The following SLC17A5 variants were observed in gnomAD, a reference collection of about 807,000 sequenced individuals.
SLC17A5 encodes the protein sialin.
A neutral mutation model predicts 59.4 loss-of-function variants in SLC17A5; 47 were observed. That is an observed-to-expected ratio of 0.79 (90% CI 0.63 to 1.01). The LOEUF (loss-of-function observed/expected upper bound fraction) is 1.01, where lower values mean the gene tolerates loss of function less well. SLC17A5 is among the 50% of genes least tolerant of loss of function. SLC17A5 has a pLI of 0.00. For missense variants in SLC17A5, 522 were observed against 595.5 expected (o/e 0.88, Z 1.28); for synonymous variants, 202 against 210.7 (o/e 0.96, Z 0.36).
At chr6:73,603,188 G>A (rs1462564414) in intron 9 of SLC17A5, among the ~76,000 whole-genome samples, 1 of 151,738 alleles carries the variant, frequency 6.6e-6, no homozygotes, top group Non-Finnish European at 1.5e-5. Flanking sequence ...CTGGAGTACA[G>A]TGGCGCGATC....
intron 9 of SLC17A5, among the ~76,000 whole-genome samples, chr6:73,601,859 T>A (rs1312859061): frequency 3.3e-5 from 5 of 149,496 alleles, no homozygotes; most frequent in Non-Finnish European, 5.9e-5. Flanking sequence ...GTCCGGGAGG[T>A]GAGGGGCGCC....
intron 8 of SLC17A5, among the ~76,000 whole-genome samples, chr6:73,611,487 C>T (rs1001885692): frequency 2.0e-5 from 3 of 152,080 alleles, no homozygotes; most frequent in Non-Finnish European, 4.4e-5. Context: ...GCCATGTTGG[C>T]CAGGCCGTTC....
In SLC17A5 at chr6:73,644,530, T is replaced by C. The variant is rs1412016403; in HGVS notation, c.168A>G (p.Leu56=). The change falls in exon 2 of 11, where the codon TTA becomes TTG. Residue 56 remains leucine, a synonymous_variant. Transcript: ENST00000355773. ...AFFGFFIVYA[L]RVNLSVALVD... ...CTAACGCAACACTCAGATTCACACG[T>C]AATGCATACACAATGAAGAAACCAA... The C allele has an allele frequency of 6.2e-7, 1 of 1,614,104 alleles. No homozygotes were observed. Among genetic ancestry groups the C allele is most frequent in the Admixed American group, 1.7e-5 (1 of 60,006 alleles).
intron 9 of SLC17A5, among the ~76,000 whole-genome samples, chr6:73,606,304 A>G (rs1415375163): frequency 6.6e-6 from 1 of 152,052 alleles, no homozygotes; most frequent in East Asian, 1.9e-4. Flanking sequence ...CAGCCTCCCA[A>G]AGTGCTGGGA....
intron 8 of SLC17A5, among the ~76,000 whole-genome samples, chr6:73,613,695 T>C (rs1767729840): frequency 6.6e-6 from 1 of 152,212 alleles, no homozygotes; most frequent in South Asian, 2.1e-4. Context: ...AAATGTATGA[T>C]TCAAAAAGAA....
intron 6 of SLC17A5, among the ~76,000 whole-genome samples, chr6:73,630,688 T>C (rs1241565102): frequency 1.3e-5 from 2 of 152,090 alleles, no homozygotes; most frequent in East Asian, 1.9e-4. Context: ...ACAGCCACAT[T>C]TCCTAGAAGG....
chr6:73,624,265 G>A (rs1472542490), intron 6 of SLC17A5, among the ~76,000 whole-genome samples: 4 of 151,966 alleles, frequency 2.6e-5, no homozygotes, highest in African/African-American at 9.7e-5. Flanking sequence ...TTAGCCGGGT[G>A]TGGTGGTGCG....
At position 73,621,802 on chromosome 6, in the gene SLC17A5, A is replaced by G; in HGVS notation, c.978+2T>C. 1 of 1,601,602 alleles carries G rather than the reference A, an allele frequency of 6.2e-7. No homozygotes were observed. The highest frequency in any genetic ancestry group is 8.6e-7 in the Non-Finnish European group (1 of 1,169,052). On this transcript the variant is annotated splice_donor_variant, in intron 7 of 10. Transcript: ENST00000355773. LOFTEE classifies it high-confidence loss of function. Reference sequence around the variant, plus strand: ...AAGAAGCAGATGATTATTTTTTCTTACCTCTTGAACATTGAACCTTAGGAT... The same window carrying G: ...AAGAAGCAGATGATTATTTTTTCTTGCCTCTTGAACATTGAACCTTAGGAT...
intron 5 of SLC17A5, 75 bp from the exon 6 acceptor site, chr6:73,635,575 A>T (rs946371722): frequency 3.3e-5 from 25 of 753,308 alleles, no homozygotes; most frequent in Middle Eastern, 3.7e-4. Flanking sequence ...AAAAACACAA[A>T]ATTAGAAAGC....
intron 6 of SLC17A5, among the ~76,000 whole-genome samples, chr6:73,633,570 A>G (rs1436526241): frequency 6.6e-6 from 1 of 151,842 alleles, no homozygotes; most frequent in African/African-American, 2.4e-5. Context: ...GTTATATTGT[A>G]TATAAATATT....
chr6:73,606,152 C>T (rs1445827865), intron 9 of SLC17A5, among the ~76,000 whole-genome samples: 2 of 152,038 alleles, frequency 1.3e-5, no homozygotes, highest in East Asian at 1.9e-4. Context: ...AAGCAATTCT[C>T]ATGCCTCAGC....
At chr6:73,642,845 C>T (rs1033030415) in intron 2 of SLC17A5, among the ~76,000 whole-genome samples, 7 of 152,186 alleles carry the variant, frequency 4.6e-5, no homozygotes, top group Non-Finnish European at 8.8e-5. Context: ...CAAACTCTTA[C>T]TTTTCCTTAT....
At chr6:73,639,196 T>C (rs963257615) in intron 3 of SLC17A5, among the ~76,000 whole-genome samples, 1 of 152,124 alleles carries the variant, frequency 6.6e-6, no homozygotes, top group African/African-American at 2.4e-5. Context: ...AACAGGGAGT[T>C]TCATAGAGAC....
At chr6:73,651,563 A>G (rs1392843744) in intron 1 of SLC17A5, among the ~76,000 whole-genome samples, 1 of 150,584 alleles carries the variant, frequency 6.6e-6, no homozygotes, top group African/African-American at 2.4e-5. Flanking sequence ...ATTTTTTGAG[A>G]CGAAGTCTTG....
At position 73,595,200 on chromosome 6, in the gene SLC17A5, T is replaced by C. The variant is rs192599733; in HGVS notation, c.1365A>G (p.Glu455=). ...CAGCAATATAGAACACGGTTTGCCA[T>C]TCTCCAACAGTGTTCTATAAAGGAA... ...KSLTPDNTVG[E]WQTVFYIAAA... The change falls in exon 11 of 11, where the codon GAA becomes GAG. Residue 455 remains glutamate, a synonymous_variant. Transcript: ENST00000355773. 121 of 1,614,126 alleles carry C rather than the reference T, an allele frequency of 7.5e-5. No homozygotes were observed. The highest frequency in any genetic ancestry group is 2.3e-4 in the African/African-American group (17 of 75,044).
chr6:73,615,323 C>G lies in SLC17A5; in HGVS notation c.1103G>C (p.Ser368Thr). The change falls in exon 8 of 11, where the codon AGC (serine) becomes ACC (threonine). Residue 368 changes from serine (S) to threonine (T), a missense_variant. By Grantham distance (58) the Ser-to-Thr change is moderately conservative. This residue lies in a region of SLC17A5 where 153 missense variants were observed against 168.5 expected (regional missense o/e 0.91). Coordinates refer to ENST00000355773, the MANE Select transcript of SLC17A5 (RefSeq NM_012434.5). ...CTGATTGCTTCACTTACCTATAAGGCTAAAAATTCTGCGAACACATAAAGT... is the reference window on the plus strand; with the variant it reads ...CTGATTGCTTCACTTACCTATAAGGGTAAAAATTCTGCGAACACATAAAGT... The part of the protein sequence containing the change: ...FSTLCVRRIF[S>T]LIGMIGPAVF... 6.2e-7 allele frequency: 1 copy of G among 1,614,016 alleles called. No individual in the cohort carries two copies. Among genetic ancestry groups the G allele is most frequent in the Non-Finnish European group, 8.5e-7 (1 of 1,179,994 alleles).
chr6:73,619,783 A>G (rs1273013233), intron 7 of SLC17A5, among the ~76,000 whole-genome samples: 2 of 152,098 alleles, frequency 1.3e-5, no homozygotes. Context: ...AACATTAATT[A>G]CTGGCCAGCT....
chr6:73,641,371 G>C (rs1228033927), intron 3 of SLC17A5, among the ~76,000 whole-genome samples: 1 of 152,066 alleles, frequency 6.6e-6, no homozygotes, highest in African/African-American at 2.4e-5. Flanking sequence ...GAGCCACCAC[G>C]CCCGGACTAT....
intron 5 of SLC17A5, among the ~76,000 whole-genome samples, chr6:73,635,848 C>T (rs115208045): frequency 0.028 from 4,280 of 151,844 alleles, 204 homozygotes; most frequent in African/African-American, 0.096. Flanking sequence ...TCAAGCAACT[C>T]TACTGTCTCA....
Sources: allele counts gnomAD v4.1 joint callset (sites outside exome capture counted in the v4.1 genomes callset), GRCh38; gene constraint gnomAD v4.1.1; regional missense constraint gnomAD v4.1.1; transcripts MANE v1.5; gene names NCBI Gene and HGNC (gene_info 2026-07-23, HGNC 2026-07-21).